Variants in SNX29 observed in about 807,000 individuals in gnomAD.
SNX29 encodes the protein sorting nexin 29.
A neutral mutation model predicts 102.1 loss-of-function variants in SNX29; 78 were observed. That is an observed-to-expected ratio of 0.76 (90% CI 0.64 to 0.92). The LOEUF is 0.92. SNX29 is among the 40% of genes least tolerant of loss of function. The probability of loss-of-function intolerance (pLI) is 0.00; values close to 1 mark genes in which losing one functional copy is unlikely to be tolerated. For missense variants in SNX29, 1,280 were observed against 1,061.7 expected, an observed-to-expected ratio of 1.21 and a Z score of -2.86; for synonymous variants, 580 against 414.5, an observed-to-expected ratio of 1.40 and a Z score of -4.85.
intron 14 of SNX29, among the ~76,000 whole-genome samples, chr16:12,245,106 G>T (rs2078222720): frequency 6.6e-6 from 1 of 152,082 alleles, no homozygotes; most frequent in Non-Finnish European, 1.5e-5. Context: ...CTCCTAAATG[G>T]TATATTTAAA....
intron 13 of SNX29, among the ~76,000 whole-genome samples, chr16:12,161,867 G>T (rs1466659666): frequency 6.6e-6 from 1 of 152,082 alleles, no homozygotes; most frequent in African/African-American, 2.4e-5. Flanking sequence ...GCTGGACCGC[G>T]TTTCTTACAC....
chr16:12,559,035 A>G (rs2078553616), intron 20 of SNX29, among the ~76,000 whole-genome samples: 1 of 152,152 alleles, frequency 6.6e-6, no homozygotes, highest in South Asian at 2.1e-4. Context: ...CTTTTAAGTA[A>G]ATTCACACAT....
Position 12,571,899 on chromosome 16 carries a change from T to TG in SNX29, c.*3271dup, listed in dbSNP as rs1213069856. 1.9e-6 allele frequency: 2 copies of TG among 1,061,634 alleles called. No individual in the cohort carries two copies. Among genetic ancestry groups the TG allele is most frequent in the African/African-American group, 1.6e-5 (1 of 60,858 alleles). The allele number at this position is 1,061,634 out of a possible 1,614,324, so 65.8% of individuals were successfully genotyped here. ...TTTGGAGCTGAGGTTCAAAGCCCCC[T>TG]GCATTTCTCTACTGGCAGGCCCTGG... On this transcript the variant is annotated 3_prime_UTR_variant, in exon 21 of 21. Transcript: ENST00000566228.
intron 19 of SNX29, among the ~76,000 whole-genome samples, chr16:12,485,476 A>G (rs1567612475): frequency 6.6e-6 from 1 of 152,240 alleles, no homozygotes; most frequent in Non-Finnish European, 1.5e-5. Context: ...GAAATTATGC[A>G]TTAAAATCCT....
intron 14 of SNX29, among the ~76,000 whole-genome samples, chr16:12,269,985 C>T (rs996224745): frequency 1.3e-5 from 2 of 151,952 alleles, no homozygotes; most frequent in Admixed American, 6.6e-5. Flanking sequence ...CTCAGCCTTC[C>T]GAGTAGCTGG....
At chr16:12,119,842 A>G (rs974364474) in intron 11 of SNX29, among the ~76,000 whole-genome samples, 1 of 152,220 alleles carries the variant, frequency 6.6e-6, no homozygotes, top group Non-Finnish European at 1.5e-5. Flanking sequence ...TCAGACAGCA[A>G]GTGTAATCAT....
At chr16:12,257,257 C>T (rs2078601377) in intron 14 of SNX29, among the ~76,000 whole-genome samples, 1 of 152,170 alleles carries the variant, frequency 6.6e-6, no homozygotes, top group South Asian at 2.1e-4. Flanking sequence ...ACTTCCTGTT[C>T]TCCTGCTTCT....
intron 5 of SNX29, among the ~76,000 whole-genome samples, chr16:12,045,391 AC>A (rs200911725): frequency 0.017 from 2,246 of 131,088 alleles, 44 homozygotes; most frequent in African/African-American, 0.056. Context: ...GGTTGCCATT[AC>A]TTAACAGGAA....
Position 12,319,991 on chromosome 16 carries a change from C to G in SNX29, c.1783-36172C>G, listed in dbSNP as rs139929567. ...GCGGGTTCCAGGAAGCCTTGCCTGA[C>G]AGCTCCTGGCTGGACGTGGCTGCAT... On this transcript the variant is annotated intron_variant, in intron 15 of 20. Transcript: ENST00000566228. 6.6e-5 allele frequency among the ~76,000 whole-genome samples: 10 copies of G among 152,278 alleles called. No individual in the cohort carries two copies. The East Asian group carries it at 1.7e-3, about 26-fold the overall frequency.
chr16:12,290,560 G>A (rs2079759081), intron 15 of SNX29, among the ~76,000 whole-genome samples: 1 of 152,154 alleles, frequency 6.6e-6, no homozygotes, highest in Non-Finnish European at 1.5e-5. Flanking sequence ...TCTGGTACCT[G>A]GTTGATGCTT....
chr16:12,193,293 A>T (rs567366547), intron 13 of SNX29, among the ~76,000 whole-genome samples: 1 of 152,184 alleles, frequency 6.6e-6, no homozygotes, highest in East Asian at 1.9e-4. Flanking sequence ...AACATGGCAA[A>T]ACCCCGTCCC....
Position 12,058,647 on chromosome 16 carries a change from C to T in SNX29, c.1125-2881C>T, listed in dbSNP as rs8062935. ...TAGCTGGGATTACAAGCACCCACCACCACGCCCTGCTAAGTTTTGTATTTT... is the reference window on the plus strand; with the variant it reads ...TAGCTGGGATTACAAGCACCCACCATCACGCCCTGCTAAGTTTTGTATTTT... On this transcript the variant is annotated intron_variant, in intron 8 of 20. Transcript: ENST00000566228. Among the ~76,000 whole-genome samples, 1,305 of 151,446 alleles carry T rather than the reference C, an allele frequency of 8.6e-3. 13 individuals are homozygous for T. The highest frequency in any genetic ancestry group is 0.03 in the African/African-American group (1,234 of 41,236).
At position 12,574,143 on chromosome 16, in the gene SNX29, A is replaced by G. The variant is rs1430000835; in HGVS notation, c.*5514A>G. ...TTAAGGTTTACATAATAGGATTTTT[A>G]AACAAATGTGTTTAATTTTTTAAGA... On this transcript the variant is annotated 3_prime_UTR_variant, in exon 21 of 21. Coordinates refer to ENST00000566228, the MANE Select transcript of SNX29 (RefSeq NM_032167.5). The G allele has an allele frequency of 5.5e-6, 1 of 182,692 alleles. No homozygotes were observed. Among genetic ancestry groups the G allele is most frequent in the African/African-American group, 2.4e-5 (1 of 42,542 alleles). The allele number at this position is 182,692 out of a possible 1,614,324, so 11.3% of individuals were successfully genotyped here.
chr16:12,501,464 G>A lies in SNX29; in HGVS notation c.2179-23238G>A, dbSNP rs149193798. Reference sequence around the variant, plus strand: ...AGGCCAGACGCGGTGGCTCACACCTGTAATCCCAGCACTTTGGGAGGCTGA... The same window carrying A: ...AGGCCAGACGCGGTGGCTCACACCTATAATCCCAGCACTTTGGGAGGCTGA... On this transcript the variant is annotated intron_variant, in intron 19 of 20. Transcript: ENST00000566228. Among the ~76,000 whole-genome samples, 353 of 152,004 alleles carry A rather than the reference G, an allele frequency of 2.3e-3. 1 individual carries two copies. The highest frequency in any genetic ancestry group is 3.4e-3 in the Non-Finnish European group (232 of 67,952).
intron 19 of SNX29, among the ~76,000 whole-genome samples, chr16:12,489,476 A>T (rs958975780): frequency 2.6e-5 from 4 of 152,110 alleles, no homozygotes; most frequent in African/African-American, 9.7e-5. Flanking sequence ...GTGGATTCAG[A>T]TCCTGCCCCC....
At chr16:12,318,966 C>G (rs2080842444) in intron 15 of SNX29, among the ~76,000 whole-genome samples, 1 of 152,128 alleles carries the variant, frequency 6.6e-6, no homozygotes, top group Non-Finnish European at 1.5e-5. Context: ...CTTATCTTGT[C>G]TCCTGCTAAA....
chr16:12,436,339 A>G (rs898059877), intron 18 of SNX29, among the ~76,000 whole-genome samples: 6 of 152,198 alleles, frequency 3.9e-5, no homozygotes, highest in Admixed American at 1.3e-4. Flanking sequence ...GAAGACAGGA[A>G]CACAGCACCG....
intron 13 of SNX29, among the ~76,000 whole-genome samples, chr16:12,158,542 G>C (rs983430277): frequency 6.6e-6 from 1 of 152,182 alleles, no homozygotes; most frequent in Admixed American, 6.5e-5. Flanking sequence ...AGTCCTGCTT[G>C]AGCATTCTCA....
intron 13 of SNX29, among the ~76,000 whole-genome samples, chr16:12,191,285 G>C (rs1015870121): frequency 1.3e-5 from 2 of 152,130 alleles, no homozygotes; most frequent in Non-Finnish European, 2.9e-5. Context: ...GTGCGGCTTG[G>C]TTCCTGACAG....
Sources: allele counts gnomAD v4.1 joint callset (sites outside exome capture counted in the v4.1 genomes callset), GRCh38; gene constraint gnomAD v4.1.1; transcripts MANE v1.5; gene names NCBI Gene and HGNC (gene_info 2026-07-23, HGNC 2026-07-21).